The following TBC1D12 variants were observed in gnomAD, a reference collection of about 807,000 sequenced individuals.
TBC1D12 encodes the protein TBC1 domain family member 12, also known as TBC1 domain family, member 12.
In TBC1D12, 56 loss-of-function variants were observed where a neutral mutation model predicts 86.7. The ratio of observed to expected loss-of-function variants is 0.65; its 90% CI spans 0.52 to 0.81. The LOEUF (loss-of-function observed/expected upper bound fraction) is 0.81, where lower values mean the gene tolerates loss of function less well. Among genes scored for constraint, TBC1D12 ranks in the 30% least tolerant of loss-of-function variants. The pLI is 0.00. For missense variants in TBC1D12, 1,023 were observed against 1,038.8 expected (o/e 0.98, Z 0.21); for synonymous variants, 421 against 411.7 (o/e 1.02, Z -0.27).
intron 1 of TBC1D12, among the ~76,000 whole-genome samples, chr10:94,418,905 C>T (rs1241755888): frequency 2.0e-5 from 3 of 150,622 alleles, no homozygotes; most frequent in East Asian, 2.0e-4. Context: ...GGCAGAGTCT[C>T]GCTCTGTTGC....
At chr10:94,480,960 C>T (rs2056069124) in intron 3 of TBC1D12, among the ~76,000 whole-genome samples, 1 of 150,930 alleles carries the variant, frequency 6.6e-6, no homozygotes, top group Non-Finnish European at 1.5e-5. Flanking sequence ...GGCATGAAAA[C>T]AACATTCATC....
intron 2 of TBC1D12, among the ~76,000 whole-genome samples, chr10:94,444,847 T>G (rs1274107345): frequency 2.0e-5 from 3 of 150,672 alleles, no homozygotes. Flanking sequence ...TTCTCCTGCC[T>G]CAGCCTCCCA....
intron 7 of TBC1D12, 111 bp from the exon 8 acceptor site, chr10:94,509,980 T>C (rs975115083): frequency 2.8e-6 from 2 of 715,402 alleles, no homozygotes; most frequent in African/African-American, 3.7e-5. Flanking sequence ...ATTTCTTGAT[T>C]ATTCAGCTTT....
At chr10:94,482,214 G>T (rs2056087242) in intron 3 of TBC1D12, among the ~76,000 whole-genome samples, 1 of 152,084 alleles carries the variant, frequency 6.6e-6, no homozygotes, top group Non-Finnish European at 1.5e-5. Flanking sequence ...GTGTTCAGAA[G>T]TTCTCATCAT....
intron 2 of TBC1D12, among the ~76,000 whole-genome samples, chr10:94,465,655 A>T (rs201173056): frequency 0.034 from 3,599 of 106,686 alleles, 131 homozygotes; most frequent in African/African-American, 0.097. Context: ...TAAAAAAAAA[A>T]ATATATATAT....
At chr10:94,405,815 T>A (rs563375689) in intron 1 of TBC1D12, among the ~76,000 whole-genome samples, 6 of 150,984 alleles carry the variant, frequency 4.0e-5, no homozygotes, top group East Asian at 1.9e-4. Context: ...TCTGAACATT[T>A]TTTTTTTTTT....
At chr10:94,423,565 C>A (rs970097456) in intron 1 of TBC1D12, among the ~76,000 whole-genome samples, 15 of 152,016 alleles carry the variant, frequency 9.9e-5, no homozygotes, top group African/African-American at 3.1e-4. Context: ...CCAGGCTGGT[C>A]TCGAACTCCT....
intron 2 of TBC1D12, among the ~76,000 whole-genome samples, chr10:94,464,309 CTTTT>C (rs751139079): frequency 6.6e-6 from 1 of 151,442 alleles, no homozygotes; most frequent in Non-Finnish European, 1.5e-5. Flanking sequence ...TGGTCTTTCA[CTTTT>C]TTTTTCTCCT....
intron 9 of TBC1D12, among the ~76,000 whole-genome samples, chr10:94,520,161 G>T (rs893377542): frequency 6.6e-5 from 10 of 152,180 alleles, no homozygotes; most frequent in Non-Finnish European, 1.5e-5. Context: ...GCACCCTCTG[G>T]GTTTTTCAAT....
chr10:94,526,119 C>T (rs948962300), intron 11 of TBC1D12, among the ~76,000 whole-genome samples: 1 of 152,110 alleles, frequency 6.6e-6, no homozygotes, highest in Admixed American at 6.6e-5. Context: ...CTAGTATCCT[C>T]TGTTCTACTT....
rs1285681965 is a variant in TBC1D12 at position 94,536,270 on chromosome 10, C to T, written c.*3174C>T. On this transcript the variant is annotated 3_prime_UTR_variant, in exon 13 of 13. Coordinates refer to ENST00000225235, the MANE Select transcript of TBC1D12 (RefSeq NM_015188.2). ...ATGGTGTTTCATTTGTTTGTCTACT[C>T]AATATATATATTTCTTACTTAATGT... Among the ~76,000 whole-genome samples, 1 of 151,984 alleles carries T rather than the reference C, an allele frequency of 6.6e-6. No homozygotes were observed. The highest frequency in any genetic ancestry group is 1.5e-5 in the Non-Finnish European group (1 of 67,968).
chr10:94,436,290 C>T (rs1016203565), intron 1 of TBC1D12, among the ~76,000 whole-genome samples: 2 of 151,906 alleles, frequency 1.3e-5, no homozygotes, highest in African/African-American at 4.8e-5. Flanking sequence ...CGCGCGCCAC[C>T]ACGCCCAGCT....
intron 1 of TBC1D12, among the ~76,000 whole-genome samples, chr10:94,411,717 C>T (rs76465252): frequency 6.6e-6 from 1 of 152,086 alleles, no homozygotes; most frequent in Non-Finnish European, 1.5e-5. Context: ...TGCCTGCATT[C>T]GGAGCCCAAG....
At chr10:94,502,319 C>T (rs11187994) in intron 6 of TBC1D12, among the ~76,000 whole-genome samples, 23,643 of 149,090 alleles carry the variant, frequency 0.16, 2,183 homozygotes, top group East Asian at 0.39. Flanking sequence ...GCAACAAGAG[C>T]GAAACTCCAT....
chr10:94,474,685 G>A lies in TBC1D12; in HGVS notation c.1113G>A (p.Thr371=), dbSNP rs1032286863. ...TACTCTAGGAATATGAAGCACGAAC[G>A]GGGAGGACCTGTAAACCACCACCTC... The part of the protein sequence containing the change: ...KIIQQEYEAR[T]GRTCKPPPQS... The change falls in exon 3 of 13, where the codon ACG becomes ACA. Residue 371 remains threonine, a synonymous_variant. Transcript: ENST00000225235. The A allele has an allele frequency of 6.8e-6, 11 of 1,613,786 alleles. No individual in the cohort carries two copies. Among genetic ancestry groups the A allele is most frequent in the Middle Eastern group, 1.6e-4 (1 of 6,084 alleles).
chr10:94,402,862 G>A lies in TBC1D12; in HGVS notation c.249G>A (p.Pro83=), dbSNP rs146846523. ...YLAAAGEQLE[P]GLCYCPLPAG... ...CGGCGGCCGGGGAGCAGCTGGAGCCGGGGCTCTGCTACTGTCCGCTCCCCG... is the reference window on the plus strand; with the variant it reads ...CGGCGGCCGGGGAGCAGCTGGAGCCAGGGCTCTGCTACTGTCCGCTCCCCG... Residue 83 remains proline, a synonymous_variant, in exon 1 of 13, where the codon CCG becomes CCA. Coordinates refer to ENST00000225235, the MANE Select transcript of TBC1D12 (RefSeq NM_015188.2). 3,703 of 1,528,420 alleles carry A rather than the reference G, an allele frequency of 2.4e-3. 11 individuals carry two copies. The highest frequency in any genetic ancestry group is 3.0e-3 in the Non-Finnish European group (3,414 of 1,139,318). The allele number at this position is 1,528,420 out of a possible 1,614,324, so 94.7% of individuals were successfully genotyped here. A position where few individuals can be genotyped will look rare whatever the true frequency, so the allele number is the denominator to read the frequency against.
At chr10:94,471,646 C>T (rs754604987) in intron 2 of TBC1D12, among the ~76,000 whole-genome samples, 15 of 152,276 alleles carry the variant, frequency 9.9e-5, no homozygotes, top group Admixed American at 2.6e-4. Flanking sequence ...CAGTTCCGAT[C>T]CCACCTCTTA....
At chr10:94,473,523 G>C (rs992539881) in intron 2 of TBC1D12, among the ~76,000 whole-genome samples, 2 of 152,166 alleles carry the variant, frequency 1.3e-5, no homozygotes, top group East Asian at 3.9e-4. Context: ...GGCAATTGTA[G>C]TTAAGCAACT....
intron 3 of TBC1D12, among the ~76,000 whole-genome samples, chr10:94,475,312 A>G (rs2055972610): frequency 6.6e-6 from 1 of 152,176 alleles, no homozygotes; most frequent in Non-Finnish European, 1.5e-5. Context: ...CAAAAGTTTT[A>G]TTAAGGAAGT....
Sources: gnomAD v4.1 joint callset for allele counts (sites outside exome capture counted in the v4.1 genomes callset) on GRCh38, gnomAD v4.1.1 for gene constraint, MANE v1.5 for transcripts, NCBI Gene and HGNC (gene_info 2026-07-23, HGNC 2026-07-21) for gene names.